The following PRIM2 variants were observed in gnomAD, a reference collection of about 807,000 sequenced individuals.
PRIM2 encodes DNA primase large subunit.
In PRIM2, 39 loss-of-function variants were observed where a neutral mutation model predicts 67.3. That is an observed-to-expected ratio of 0.58 (90% CI 0.45 to 0.76). The LOEUF (loss-of-function observed/expected upper bound fraction) is 0.76. PRIM2 is among the 30% of genes least tolerant of loss of function. The pLI is 0.00. For synonymous variants in PRIM2, 143 were observed against 198.7 expected (o/e 0.72, Z 2.36); for missense variants, 398 against 598.7 (o/e 0.66, Z 3.50).
At chr6:57,537,343 T>A (rs1209191020) in intron 9 of PRIM2, 97 bp from the exon 10 acceptor site, 2 of 593,066 alleles carry the variant, frequency 3.4e-6, no homozygotes, top group Non-Finnish European at 5.4e-6. Flanking sequence ...GTTTTTTTTT[T>A]ATTCCAATTA....
chr6:57,645,974 G>A lies in PRIM2; in HGVS notation c.1346G>A (p.Cys449Tyr). The A allele has an allele frequency of 3.1e-6, 5 of 1,605,530 alleles. No individual in the cohort carries two copies. The highest frequency in any genetic ancestry group is 4.5e-5 in the East Asian group (2 of 44,802). Residue 449 changes from cysteine (C) to tyrosine (Y), a missense_variant, in exon 14 of 14, where the codon TGT (cysteine) becomes TAT (tyrosine). By Grantham distance (194) the Cys-to-Tyr change is radical. This residue lies in a region of PRIM2 where 72 missense variants were observed against 89.4 expected (regional missense o/e 0.81). Coordinates refer to ENST00000615550, the MANE Select transcript of PRIM2 (RefSeq NM_000947.5). ...FSLNHPNQFFCESQRILNGGK... is the reference protein window; with the variant it reads ...FSLNHPNQFFYESQRILNGGK... ...TTGAATCATCCTAATCAGTTCTTTT[G>A]TGAGAGCCAACGTATTCTAAATGGT...
At chr6:57,469,045 T>C (rs1472291749) in intron 7 of PRIM2, among the ~76,000 whole-genome samples, 1 of 152,228 alleles carries the variant, frequency 6.6e-6, no homozygotes, top group Non-Finnish European at 1.5e-5. Flanking sequence ...TGAAGAGAGC[T>C]TCTCATGTTA....
At chr6:57,281,432 C>T in the PRIM2 span, among the ~76,000 whole-genome samples, 8 of 152,272 alleles carry the variant, frequency 5.3e-5, 1 homozygote, top group African/African-American at 1.9e-4. Context: ...TATGAGGGTT[C>T]CCGTTTCTCC....
intron 7 of PRIM2, among the ~76,000 whole-genome samples, chr6:57,427,895 C>T (rs1771685004): frequency 6.6e-6 from 1 of 151,986 alleles, no homozygotes; most frequent in Non-Finnish European, 1.5e-5. Context: ...TAAATTTGAA[C>T]CTTATTCTTA....
At chr6:57,378,156 G>A (rs4715673) in intron 5 of PRIM2, among the ~76,000 whole-genome samples, 1 of 151,258 alleles carries the variant, frequency 6.6e-6, no homozygotes, top group East Asian at 1.9e-4. Context: ...TAACTCCTGG[G>A]CTCAAGCAAT....
chr6:57,259,867 A>T, the PRIM2 span, among the ~76,000 whole-genome samples: 4 of 152,262 alleles, frequency 2.6e-5, no homozygotes, highest in East Asian at 7.7e-4. Flanking sequence ...CCTATGGTCA[A>T]CCCACATTCA....
At chr6:57,337,901 A>C (rs1335819415) in intron 5 of PRIM2, among the ~76,000 whole-genome samples, 1 of 152,204 alleles carries the variant, frequency 6.6e-6, no homozygotes, top group Non-Finnish European at 1.5e-5. Flanking sequence ...TCCCTTCAAA[A>C]AATTAATGAA....
chr6:57,266,401 T>C, the PRIM2 span, among the ~76,000 whole-genome samples: 7,413 of 152,282 alleles, frequency 0.049, 225 homozygotes, highest in Non-Finnish European at 0.072. Context: ...TACTGAAATG[T>C]TAATGTCAAC....
At chr6:57,325,038 A>G (rs760044613) in intron 4 of PRIM2, among the ~76,000 whole-genome samples, 25 of 152,138 alleles carry the variant, frequency 1.6e-4, no homozygotes, top group Non-Finnish European at 2.4e-4. Context: ...TAGGGTAATT[A>G]TTTTATTATA....
the PRIM2 span, among the ~76,000 whole-genome samples, chr6:57,279,353 A>G: frequency 2.0e-5 from 3 of 152,196 alleles, no homozygotes; most frequent in Non-Finnish European, 2.9e-5. Flanking sequence ...ACCCTTTTCA[A>G]TTCTCATATG....
At chr6:57,309,240 C>G in the PRIM2 span, among the ~76,000 whole-genome samples, 1 of 150,674 alleles carries the variant, frequency 6.6e-6, no homozygotes, top group East Asian at 2.0e-4. Context: ...ACTGCACCCA[C>G]TAACTCGTCA....
At chr6:57,401,851 C>T (rs1770719265) in intron 7 of PRIM2, among the ~76,000 whole-genome samples, 1 of 152,080 alleles carries the variant, frequency 6.6e-6, no homozygotes, top group South Asian at 2.1e-4. Context: ...TGGTCTCCTC[C>T]CCTTGGCTCA....
chr6:57,222,927 C>A, the PRIM2 span, among the ~76,000 whole-genome samples: 181 of 152,272 alleles, frequency 1.2e-3, 1 homozygote, highest in African/African-American at 4.2e-3. Context: ...CCTATGGCCC[C>A]GCAGTTCCAC....
At chr6:57,470,491 T>A (rs1256148349) in intron 7 of PRIM2, among the ~76,000 whole-genome samples, 9 of 111,662 alleles carry the variant, frequency 8.1e-5, no homozygotes, top group Middle Eastern at 3.8e-3. Context: ...CAAAGAGTAA[T>A]CTTTAGGCAG....
chr6:57,443,794 G>A, intron 7 of PRIM2, among the ~76,000 whole-genome samples: 1 of 151,702 alleles, frequency 6.6e-6, no homozygotes, highest in Non-Finnish European at 1.5e-5. Flanking sequence ...TTTTGCATTT[G>A]TTGCCTGTGC....
chr6:57,616,733 A>G (rs1227529630), intron 12 of PRIM2, among the ~76,000 whole-genome samples: 1 of 152,122 alleles, frequency 6.6e-6, no homozygotes, highest in Non-Finnish European at 1.5e-5. Context: ...AATATTTTAC[A>G]ACTACTATTT....
At chr6:57,456,800 T>A (rs1465902395) in intron 7 of PRIM2, among the ~76,000 whole-genome samples, 1 of 152,214 alleles carries the variant, frequency 6.6e-6, no homozygotes, top group African/African-American at 2.4e-5. Flanking sequence ...TCAAAGTCAT[T>A]CTCCATCCAG....
chr6:57,449,169 G>A (rs1410915411), intron 7 of PRIM2, among the ~76,000 whole-genome samples: 2 of 151,868 alleles, frequency 1.3e-5, no homozygotes, highest in Admixed American at 1.3e-4. Flanking sequence ...TTTTGATCAG[G>A]GATTAATTTG....
At chr6:57,474,658 A>G (rs1773431608) in intron 7 of PRIM2, among the ~76,000 whole-genome samples, 1 of 152,090 alleles carries the variant, frequency 6.6e-6, no homozygotes, top group Admixed American at 6.6e-5. Flanking sequence ...CTGCTGTTTG[A>G]ATGTGGCCTC....
Sources: allele counts gnomAD v4.1 joint callset (sites outside exome capture counted in the v4.1 genomes callset), GRCh38; gene constraint gnomAD v4.1.1; regional missense constraint gnomAD v4.1.1; transcripts MANE v1.5; gene names NCBI Gene and HGNC (gene_info 2026-07-23, HGNC 2026-07-21).